Variants in PLCB1 observed in about 807,000 individuals in gnomAD.
PLCB1 encodes the protein phospholipase C beta 1, also known as 1-phosphatidylinositol 4,5-bisphosphate phosphodiesterase beta-1.
PLCB1 carries 46 observed loss-of-function variants against 161.8 expected under a neutral mutation model. That is an observed-to-expected ratio of 0.28 (90% CI 0.22 to 0.36). The LOEUF is 0.36. Among genes scored for constraint, PLCB1 ranks in the 10% least tolerant of loss-of-function variants. The probability of loss-of-function intolerance (pLI) is 1.00; values close to 1 mark genes in which losing one functional copy is unlikely to be tolerated. For synonymous variants in PLCB1, 517 were observed against 503.7 expected, an observed-to-expected ratio of 1.03 and a Z score of -0.35; for missense variants, 1,016 against 1,472.5, an observed-to-expected ratio of 0.69 and a Z score of 5.07.
At chr20:8,651,101 G>A (rs777475684) in intron 7 of PLCB1, among the ~76,000 whole-genome samples, 1 of 152,042 alleles carries the variant, frequency 6.6e-6, no homozygotes, top group South Asian at 2.1e-4. Flanking sequence ...TTCTCGTGCA[G>A]AGCTCTCCTT....
intron 4 of PLCB1, among the ~76,000 whole-genome samples, chr20:8,645,543 T>A (rs188161054): frequency 1.3e-5 from 2 of 152,286 alleles, no homozygotes; most frequent in East Asian, 1.9e-4. Context: ...TGCTTTCTGG[T>A]ATGAGGTAGG....
intron 2 of PLCB1, among the ~76,000 whole-genome samples, chr20:8,276,977 C>CTTATTATTATTATTA (rs1384044322): frequency 9.4e-5 from 9 of 96,012 alleles, no homozygotes; most frequent in South Asian, 3.3e-4. Context: ...TCTTCTTCTT[C>CTTATTATTATTATTA]TTCTTCTTCT....
rs2144128 is a variant in PLCB1 at position 8,711,236 on chromosome 20, G to T, written c.1250+2484G>T. ...CTCCTACGCCTAAACAGAAGCATCA[G>T]GAGCCTTCAAAACATCAAATTCAGA... is the stretch of plus-strand genomic sequence containing the variant. On this transcript the variant is annotated intron_variant, in intron 12 of 31. Coordinates refer to ENST00000338037, the MANE Select transcript of PLCB1 (RefSeq NM_015192.4). Among the ~76,000 whole-genome samples, 245 of 152,306 alleles carry T rather than the reference G, an allele frequency of 1.6e-3. 1 individual carries two copies. The highest frequency in any genetic ancestry group is 5.7e-3 in the African/African-American group (239 of 41,568).
In PLCB1 at chr20:8,669,795, T is replaced by G. The variant is rs551589739; in HGVS notation, c.862+11091T>G. Among the ~76,000 whole-genome samples, 12 of 152,298 alleles carry G rather than the reference T, an allele frequency of 7.9e-5. 1 individual carries two copies. The South Asian group carries it at 1.9e-3, about 24-fold the overall frequency. ...GCACTAAAAGATAACATGTTTTAAG[T>G]AGCTCATCAGAAAGCATTAATGAGA... On this transcript the variant is annotated intron_variant, in intron 9 of 31. Coordinates refer to ENST00000338037, the MANE Select transcript of PLCB1 (RefSeq NM_015192.4).
intron 2 of PLCB1, among the ~76,000 whole-genome samples, chr20:8,165,306 A>G (rs966707033): frequency 6.6e-6 from 1 of 152,198 alleles, no homozygotes; most frequent in African/African-American, 2.4e-5. Context: ...TTATTAATAA[A>G]CTGTTGTGCT....
intron 31 of PLCB1, among the ~76,000 whole-genome samples, chr20:8,844,893 G>A (rs536817309): frequency 4.4e-4 from 67 of 152,110 alleles, no homozygotes; most frequent in Non-Finnish European, 7.1e-4. Flanking sequence ...GGCGGATCAC[G>A]AGATCAGGAG....
Position 8,741,516 on chromosome 20 carries a change from G to A in PLCB1, c.2466G>A (p.Gln822=), listed in dbSNP as rs2123521405. Residue 822 remains glutamine, a synonymous_variant, in exon 23 of 32, where the codon CAG becomes CAA. Coordinates refer to ENST00000338037, the MANE Select transcript of PLCB1 (RefSeq NM_015192.4). ...NPIRYVNLME[Q]RAKQLAALTL... ...TCCGATATGTGAACCTGATGGAACA[G>A]AGAGCTAAGCAATTGGCTGCTTTGA... The A allele has an allele frequency of 8.1e-6, 13 of 1,613,878 alleles. No homozygotes were observed. Among genetic ancestry groups the A allele is most frequent in the Non-Finnish European group, 1.0e-5 (12 of 1,179,772 alleles).
chr20:8,285,322 A>G (rs1347789550), intron 2 of PLCB1, among the ~76,000 whole-genome samples: 2 of 150,788 alleles, frequency 1.3e-5, no homozygotes, highest in East Asian at 3.9e-4. Context: ...CAGTATCTTC[A>G]GGGCTCAATC....
chr20:8,472,143 T>C (rs1982079563), intron 3 of PLCB1, among the ~76,000 whole-genome samples: 1 of 152,208 alleles, frequency 6.6e-6, no homozygotes, highest in Non-Finnish European at 1.5e-5. Flanking sequence ...ATTTAGCTCT[T>C]ATTTTTGGTG....
chr20:8,733,492 A>G, intron 19 of PLCB1, 100 bp downstream of exon 19: 1 of 1,027,470 alleles, frequency 9.7e-7, no homozygotes, highest in Non-Finnish European at 1.5e-6. Flanking sequence ...AGTAACTAGG[A>G]AAGATTCTAC....
chr20:8,629,798 CTTTTCTTTCTTTTCTTTCT>C (rs1568535786), intron 4 of PLCB1, among the ~76,000 whole-genome samples: 2 of 67,934 alleles, frequency 2.9e-5, no homozygotes, highest in African/African-American at 9.6e-5. Context: ...TCCTTTCTTT[CTTTTCTTTCTTTTCTTTCT>C]TTTCTTTCTT....
chr20:8,320,770 A>G (rs919937648), intron 2 of PLCB1, among the ~76,000 whole-genome samples: 1 of 143,106 alleles, frequency 7.0e-6, no homozygotes, highest in Admixed American at 7.0e-5. Context: ...TTAATGCAAA[A>G]TACTTGTAAT....
At chr20:8,474,323 G>C (rs1384160987) in intron 3 of PLCB1, among the ~76,000 whole-genome samples, 2 of 152,194 alleles carry the variant, frequency 1.3e-5, no homozygotes, top group African/African-American at 4.8e-5. Context: ...GGTGATGCGG[G>C]AGTGGCATGG....
chr20:8,283,546 T>C (rs949847978), intron 2 of PLCB1, among the ~76,000 whole-genome samples: 1 of 142,194 alleles, frequency 7.0e-6, no homozygotes, highest in Admixed American at 7.3e-5. Context: ...CATATACTTA[T>C]AATAAATAAA....
chr20:8,137,702 G>A (rs1469412861), intron 1 of PLCB1, among the ~76,000 whole-genome samples: 1 of 152,162 alleles, frequency 6.6e-6, no homozygotes, highest in Non-Finnish European at 1.5e-5. Flanking sequence ...ATCAGTACCA[G>A]ATCAAGAAAC....
intron 3 of PLCB1, among the ~76,000 whole-genome samples, chr20:8,449,268 T>C (rs1980968501): frequency 1.3e-5 from 2 of 152,214 alleles, no homozygotes; most frequent in Admixed American, 6.5e-5. Flanking sequence ...ATTGTAGATA[T>C]TCTGAAGCAG....
In PLCB1 at chr20:8,316,757, T is replaced by G. The variant is rs542006880; in HGVS notation, c.178-54625T>G. Reference sequence around the variant, plus strand: ...GACAGAAAGACGAGGGGTGGGAAGTTGAATTTTTTTCCTCATTTATAACAT... The same window carrying G: ...GACAGAAAGACGAGGGGTGGGAAGTGGAATTTTTTTCCTCATTTATAACAT... On this transcript the variant is annotated intron_variant, in intron 2 of 31. Coordinates refer to ENST00000338037, the MANE Select transcript of PLCB1 (RefSeq NM_015192.4). Among the ~76,000 whole-genome samples, 4 of 152,174 alleles carry G rather than the reference T, an allele frequency of 2.6e-5. No homozygotes were observed. In the South Asian group the frequency reaches 8.3e-4, roughly 32 times the overall value.
intron 26 of PLCB1, among the ~76,000 whole-genome samples, chr20:8,767,701 G>A (rs6077420): frequency 0.11 from 17,372 of 152,106 alleles, 1,042 homozygotes; most frequent in Middle Eastern, 0.21. Context: ...GGACCACAGG[G>A]GGCTTCCTCT....
intron 31 of PLCB1, among the ~76,000 whole-genome samples, chr20:8,807,801 C>T (rs938053266): frequency 6.6e-6 from 1 of 152,040 alleles, no homozygotes; most frequent in African/African-American, 2.4e-5. Context: ...GCTGATGCAA[C>T]TAAGGAGTTG....
Sources: gnomAD v4.1 joint callset for allele counts (sites outside exome capture counted in the v4.1 genomes callset) on GRCh38, gnomAD v4.1.1 for gene constraint, MANE v1.5 for transcripts, NCBI Gene and HGNC (gene_info 2026-07-23, HGNC 2026-07-21) for gene names.